YTHDF2: variants seen among roughly 807,000 people sequenced by gnomAD.
YTHDF2 encodes YTH domain-containing family protein 2.
Under a neutral mutation model 50.4 loss-of-function variants are expected in YTHDF2, and 2 were observed. That is an observed-to-expected ratio of 0.04 (90% CI 0.02 to 0.12). The LOEUF (loss-of-function observed/expected upper bound fraction) is 0.12, where lower values mean the gene tolerates loss of function less well. Ranked by LOEUF, YTHDF2 falls within the 10% of genes least tolerant of loss-of-function variation. The pLI is 1.00. For synonymous variants in YTHDF2, 217 were observed against 255.6 expected, an observed-to-expected ratio of 0.85 and a Z score of 1.44; for missense variants, 483 against 722.6, an observed-to-expected ratio of 0.67 and a Z score of 3.80.
intron 2 of YTHDF2, 166 bp downstream of exon 2, chr1:28,737,848 C>A: frequency 3.9e-6 from 3 of 765,352 alleles, no homozygotes; most frequent in Non-Finnish European, 6.2e-6. Context: ...TTGCAGCTGG[C>A]GAACAGCTTT....
chr1:28,736,659 C>T (rs114914010), upstream of YTHDF2: 612 of 165,030 alleles, frequency 3.7e-3, no homozygotes, highest in Admixed American at 6.8e-3. Context: ...GTGGTGCGAC[C>T]CTGGTCGTCC....
At chr1:28,755,219 G>C (rs2088018952) in intron 4 of YTHDF2, among the ~76,000 whole-genome samples, 1 of 152,176 alleles carries the variant, frequency 6.6e-6, no homozygotes, top group South Asian at 2.1e-4. Context: ...GCCTGTGATA[G>C]TAGCAGCAGC....
At chr1:28,744,720 G>A (rs545304564) in intron 4 of YTHDF2, among the ~76,000 whole-genome samples, 19 of 152,162 alleles carry the variant, frequency 1.2e-4, no homozygotes, top group African/African-American at 4.6e-4. Context: ...CCAGGCTGGA[G>A]TGCAGTGGCA....
chr1:28,745,737 A>G (rs12729160), intron 4 of YTHDF2, among the ~76,000 whole-genome samples: 1 of 20,366 alleles, frequency 4.9e-5, no homozygotes, highest in South Asian at 3.2e-3. Context: ...CCCCCCCCCC[A>G]AAAAAAAACT....
At chr1:28,737,262 G>C in intron 1 of YTHDF2, 115 bp downstream of exon 1, 1 of 1,392,452 alleles carries the variant, frequency 7.2e-7, no homozygotes. Context: ...GTCTCTTGCG[G>C]GCCAGGTTTC....
chr1:28,757,684 T>C (rs1408522306), intron 4 of YTHDF2, among the ~76,000 whole-genome samples: 1 of 152,232 alleles, frequency 6.6e-6, no homozygotes, highest in Non-Finnish European at 1.5e-5. Flanking sequence ...TTGCAAGTTT[T>C]GCATTTGTTT....
chr1:28,738,587 C>T (rs1483762405), intron 3 of YTHDF2, among the ~76,000 whole-genome samples: 1 of 152,110 alleles, frequency 6.6e-6, no homozygotes, highest in East Asian at 1.9e-4. Flanking sequence ...TGGGATTACA[C>T]GTGTGCACCA....
rs890437054 is a variant in YTHDF2, at chr1:28,737,120, C to T, written c.-1C>T. On this transcript the variant is annotated 5_prime_UTR_variant, in exon 1 of 5. Coordinates refer to ENST00000373812, the MANE Select transcript of YTHDF2 (RefSeq NM_016258.3). ...TCGCCGCCCGTGAGGATCTGAGAGC[C>T]ATGTCGGCCAGCAGCCTCTTGGAGC... The T allele has an allele frequency of 1.9e-6, 3 of 1,599,178 alleles. No homozygotes were observed. Among genetic ancestry groups the T allele is most frequent in the Non-Finnish European group, 1.7e-6 (2 of 1,174,872 alleles).
chr1:28,754,228 T>A (rs2088002505), intron 4 of YTHDF2, among the ~76,000 whole-genome samples: 1 of 152,178 alleles, frequency 6.6e-6, no homozygotes, highest in South Asian at 2.1e-4. Flanking sequence ...GGAAAGCAAC[T>A]TATCAAAACA....
intron 4 of YTHDF2, among the ~76,000 whole-genome samples, chr1:28,750,638 G>GT (rs754444254): frequency 1.3e-5 from 2 of 152,156 alleles, no homozygotes; most frequent in African/African-American, 4.8e-5. Context: ...CGTAAAATAA[G>GT]TAAGAACGGA....
At chr1:28,746,732 C>G (rs2087867725) in intron 4 of YTHDF2, among the ~76,000 whole-genome samples, 1 of 151,818 alleles carries the variant, frequency 6.6e-6, no homozygotes. Context: ...TGCACTCCAG[C>G]CTGGGCGATA....
At chr1:28,737,435 C>T (rs986625255) in intron 1 of YTHDF2, 1 of 655,136 alleles carries the variant, frequency 1.5e-6, no homozygotes, top group Admixed American at 3.3e-5. Flanking sequence ...GCCCTGGGTT[C>T]CTCGCGTCGC....
intron 4 of YTHDF2, among the ~76,000 whole-genome samples, chr1:28,749,102 C>T (rs1229215297): frequency 6.6e-6 from 1 of 150,936 alleles, no homozygotes; most frequent in Non-Finnish European, 1.5e-5. Flanking sequence ...TTCCTTTTTC[C>T]TGAAAAGTTT....
chr1:28,754,663 A>C (rs1404426024), intron 4 of YTHDF2, among the ~76,000 whole-genome samples: 2 of 151,834 alleles, frequency 1.3e-5, no homozygotes, highest in Non-Finnish European at 2.9e-5. Context: ...TCTACTAAAA[A>C]ATTAGCTGGG....
intron 4 of YTHDF2, among the ~76,000 whole-genome samples, chr1:28,750,386 G>T (rs1442889612): frequency 6.6e-6 from 1 of 152,124 alleles, no homozygotes; most frequent in Admixed American, 6.6e-5. Flanking sequence ...TGGAAAACTT[G>T]CTAAAAACGA....
intron 3 of YTHDF2, 30 bp downstream of exon 3, chr1:28,738,368 C>CG: frequency 6.5e-7 from 1 of 1,535,060 alleles, no homozygotes; most frequent in Non-Finnish European, 9.0e-7. Flanking sequence ...CATATCTAAT[C>CG]GAAGGGTGTG....
At chr1:28,764,236 C>A (rs2088183042) in intron 4 of YTHDF2, among the ~76,000 whole-genome samples, 2 of 151,874 alleles carry the variant, frequency 1.3e-5, no homozygotes, top group South Asian at 4.2e-4. Context: ...CAGGCATGAG[C>A]CACTGTGCCC....
intron 4 of YTHDF2, among the ~76,000 whole-genome samples, chr1:28,750,709 C>A (rs1351141933): frequency 6.6e-6 from 1 of 151,998 alleles, no homozygotes; most frequent in Non-Finnish European, 1.5e-5. Context: ...AATTTTGATA[C>A]AAATTAAGTA....
At chr1:28,748,470 C>T (rs990890293) in intron 4 of YTHDF2, among the ~76,000 whole-genome samples, 8 of 152,166 alleles carry the variant, frequency 5.3e-5, no homozygotes, top group African/African-American at 1.9e-4. Context: ...ACTTAAACTT[C>T]ATCCTGAAGG....
Sources: gnomAD v4.1 joint callset for allele counts (sites outside exome capture counted in the v4.1 genomes callset) on GRCh38, gnomAD v4.1.1 for gene constraint, MANE v1.5 for transcripts, NCBI Gene and HGNC (gene_info 2026-07-23, HGNC 2026-07-21) for gene names.